Variants in TASOR2 observed in about 807,000 individuals in gnomAD.
TASOR2 encodes protein TASOR 2.
TASOR2 carries 84 observed loss-of-function variants against 199.5 expected under a neutral mutation model. That is an observed-to-expected ratio of 0.42 (90% CI 0.35 to 0.50). The LOEUF (loss-of-function observed/expected upper bound fraction) is 0.50. TASOR2 is among the 20% of genes least tolerant of loss of function. The pLI is 0.02. For missense variants in TASOR2, 2,796 were observed against 2,835.9 expected (o/e 0.99, Z 0.32); for synonymous variants, 1,103 against 1,046.6 (o/e 1.05, Z -1.04).
At chr10:5,714,340 G>C (rs554123848) in intron 2 of TASOR2, 133 bp downstream of exon 3, 4 of 470,378 alleles carry the variant, frequency 8.5e-6, no homozygotes, top group Non-Finnish European at 1.0e-5. Flanking sequence ...ATAATGTTTA[G>C]ATTTCTAACT....
At chr10:5,762,888 C>T in intron 20 of TASOR2, 141 bp from the exon 22 acceptor site, 3 of 725,766 alleles carry the variant, frequency 4.1e-6, no homozygotes, top group Non-Finnish European at 6.7e-6. Flanking sequence ...TTTTCACTTG[C>T]TGTTAACTTG....
Position 5,698,425 on chromosome 10 carries a change from G to A in TASOR2, c.-288+13250G>A, listed in dbSNP as rs543535279. Among the ~76,000 whole-genome samples the A allele has an allele frequency of 1.3e-5, 2 of 152,182 alleles. No homozygotes were observed. Among genetic ancestry groups the A allele is most frequent in the East Asian group, 1.9e-4 (1 of 5,186 alleles). On this transcript the variant is annotated intron_variant, in intron 1 of 20. Transcript: ENST00000328090. This position sits in a 1 kb window ranked among gnomAD's most constrained non-coding sequence, Gnocchi z 4.4. ...GTCTGTTAATAAACATTAGTTAACC[G>A]AACAGTTATATGATTAAAAATAAAA... is the stretch of plus-strand genomic sequence containing the variant.
intron 1 of TASOR2, among the ~76,000 whole-genome samples, chr10:5,711,905 G>C (rs117323159): frequency 0.012 from 1,783 of 151,996 alleles, 21 homozygotes; most frequent in Non-Finnish European, 0.015. Flanking sequence ...CTGGTGAGTG[G>C]GCAATAGTAG....
At chr10:5,715,942 C>T (rs922391085) in intron 2 of TASOR2, among the ~76,000 whole-genome samples, 1 of 152,028 alleles carries the variant, frequency 6.6e-6, no homozygotes, top group East Asian at 1.9e-4. Flanking sequence ...TGCCTGGCCG[C>T]AATTTTTTAC....
intron 2 of TASOR2, among the ~76,000 whole-genome samples, chr10:5,715,941 G>A (rs1313118771): frequency 1.3e-5 from 2 of 151,954 alleles, no homozygotes; most frequent in South Asian, 2.1e-4. Flanking sequence ...CTGCCTGGCC[G>A]CAATTTTTTA....
rs1837511636 is a variant in TASOR2 at position 5,748,317 on chromosome 10, G to A, written c.4896G>A (p.Gln1632=). The A allele has an allele frequency of 1.2e-6, 2 of 1,614,232 alleles. No individual in the cohort carries two copies. Among genetic ancestry groups the A allele is most frequent in the African/African-American group, 2.7e-5 (2 of 75,060 alleles). Residue 1632 remains glutamine (Q), a synonymous_variant, in exon 15 of 21, where the codon CAG becomes CAA. Transcript: ENST00000328090. This position sits in a 1 kb window ranked among gnomAD's most constrained non-coding sequence, Gnocchi z 5.1. ...AAACAGATGAAGGCATTTATCTGCA[G>A]GTGAAGTCCTTGACAGCTGCCTCGG...
In TASOR2 at chr10:5,722,421, A is replaced by G. The variant is rs1239491735; in HGVS notation, c.147-1256A>G. ...CATTGAGCTGAGATCGCGCCACTAC[A>G]CTCCAGCCTGGGCGACAGAGTGAAA... On this transcript the variant is annotated intron_variant, in intron 6 of 20. Transcript: ENST00000328090. The surrounding 1 kb of genome is among the most constrained non-coding windows in gnomAD (Gnocchi z 4.0). Among the ~76,000 whole-genome samples the G allele has an allele frequency of 3.3e-5, 5 of 152,040 alleles. No homozygotes were observed. Among genetic ancestry groups the G allele is most frequent in the African/African-American group, 4.8e-5 (2 of 41,386 alleles).
chr10:5,692,787 C>T (rs987493643), intron 1 of TASOR2: 2 of 152,098 alleles, frequency 1.3e-5, no homozygotes, highest in Non-Finnish European at 2.9e-5. Context: ...GCCGCCGGCC[C>T]CGCGCCCTAC....
chr10:5,731,107 T>A, exon 11 of TASOR2: 1 of 1,613,570 alleles, frequency 6.2e-7, no homozygotes. Flanking sequence ...GTGCCGCCCC[T>A]TTCCCAAAAG....
chr10:5,699,717 AAGT>A lies in TASOR2; in HGVS notation c.-287-13103_-287-13101del, dbSNP rs1475539366. The A allele has an allele frequency of 7.0e-6, 5 of 716,618 alleles. No homozygotes were observed. Among genetic ancestry groups the A allele is most frequent in the Non-Finnish European group, 8.6e-6 (5 of 584,670 alleles). 44.4% of individuals were successfully genotyped at this position (716,618 alleles called of 1,614,324 possible). On this transcript the variant is annotated intron_variant, in intron 1 of 20. Coordinates refer to ENST00000328090, the Ensembl canonical transcript of TASOR2. The surrounding 1 kb of genome is among the most constrained non-coding windows in gnomAD (Gnocchi z 4.1). ...CTAGACACCATGGCAAAGATCATAA[AAGT>A]AGAAATGAAATTTTATGGTAAGTAT...
intron 2 of TASOR2, chr10:5,714,487 A>C: frequency 3.8e-6 from 1 of 263,744 alleles, no homozygotes; most frequent in Non-Finnish European, 7.0e-6. Flanking sequence ...CGAACTTGGC[A>C]ACTATGGAAT....
Position 5,730,412 on chromosome 10 carries a change from A to C in TASOR2, c.488-75A>C. On this transcript the variant is annotated intron_variant, in intron 10 of 20. Coordinates refer to ENST00000328090, the Ensembl canonical transcript of TASOR2. The surrounding 1 kb of genome is among the most constrained non-coding windows in gnomAD (Gnocchi z 4.1). ...TAACCATCACATAATTTTGAAATCT[A>C]AAGCTTTTTTTTCCAGAATGTTTTG... 8.3e-7 allele frequency: 1 copy of C among 1,201,140 alleles called. No individual in the cohort carries two copies. The highest frequency in any genetic ancestry group is 1.2e-6 in the Non-Finnish European group (1 of 866,348). 74.4% of individuals were successfully genotyped at this position (1,201,140 alleles called of 1,614,324 possible).
At chr10:5,757,841 C>A (rs1039305908) in intron 17 of TASOR2, among the ~76,000 whole-genome samples, 168 bp downstream of exon 18, 1 of 152,134 alleles carries the variant, frequency 6.6e-6, no homozygotes, top group Non-Finnish European at 1.5e-5. Flanking sequence ...TACAGTGATT[C>A]TCTTATAGCA....
chr10:5,750,165 G>T lies in TASOR2; in HGVS notation c.6606+138G>T. 1.1e-6 allele frequency: 1 copy of T among 909,366 alleles called. No individual in the cohort carries two copies. Among genetic ancestry groups the T allele is most frequent in the South Asian group, 2.2e-5 (1 of 46,406 alleles). The allele number at this position is 909,366 out of a possible 1,614,324, so 56.3% of individuals were successfully genotyped here. On this transcript the variant is annotated intron_variant, in intron 15 of 20. Coordinates refer to ENST00000328090, the Ensembl canonical transcript of TASOR2. The surrounding 1 kb of genome is among the most constrained non-coding windows in gnomAD (Gnocchi z 5.4). ...AAATTTCACAGCTTAGTCTTTATCT[G>T]CATACTAAATGTTTTCCTGCAGGAT...
In TASOR2 at chr10:5,761,285, C is replaced by T; in HGVS notation, c.6993-5C>T. 6.2e-7 allele frequency: 1 copy of T among 1,609,050 alleles called. No individual in the cohort carries two copies. Among genetic ancestry groups the T allele is most frequent in the African/African-American group, 1.3e-5 (1 of 74,848 alleles). ...TATTTTAATATGCCTATGTATCTTT[C>T]ACAGAGTGGATTCAACTGCACATAA... On this transcript the variant is annotated splice_polypyrimidine_tract_variant and splice_region_variant and intron_variant, in intron 18 of 20. Coordinates refer to ENST00000328090, the Ensembl canonical transcript of TASOR2.
chr10:5,756,656 A>G, exon 16 of TASOR2: 1 of 1,613,656 alleles, frequency 6.2e-7, no homozygotes, highest in African/African-American at 1.3e-5. Flanking sequence ...GAACCTCAGC[A>G]CTTCTGTCAA....
At chr10:5,743,743 G>T (rs1836761563) in intron 14 of TASOR2, 1 of 152,142 alleles carries the variant, frequency 6.6e-6, no homozygotes, top group Admixed American at 6.5e-5. Flanking sequence ...ATTTGTCGTG[G>T]TAATATGTAA....
chr10:5,752,617 C>T lies in TASOR2; in HGVS notation c.6606+2590C>T, dbSNP rs1838236496. Among the ~76,000 whole-genome samples, 1 of 152,172 alleles carries T rather than the reference C, an allele frequency of 6.6e-6. No homozygotes were observed. The highest frequency in any genetic ancestry group is 6.5e-5 in the Admixed American group (1 of 15,282). On this transcript the variant is annotated intron_variant, in intron 15 of 20. Coordinates refer to ENST00000328090, the Ensembl canonical transcript of TASOR2. This position sits in a 1 kb window ranked among gnomAD's most constrained non-coding sequence, Gnocchi z 4.4. The stretch of plus-strand genomic sequence containing the variant: ...TACTTAGTAATGAAGGACACGTGTC[C>T]CTTATTGTCACAGTGTCCCCTGGGT...
rs1207020706 is a variant in TASOR2, at chr10:5,710,093, A to G, written c.-287-2730A>G. ...TCAGCAGTTATGAGACCATTCATTC[A>G]TAAAGTGTTTGTATTGTTTGGTGCA... is the stretch of plus-strand genomic sequence containing the variant. On this transcript the variant is annotated intron_variant, in intron 1 of 20. Coordinates refer to ENST00000328090, the Ensembl canonical transcript of TASOR2. The surrounding 1 kb of genome is among the most constrained non-coding windows in gnomAD (Gnocchi z 4.6). Among the ~76,000 whole-genome samples, 1 of 152,180 alleles carries G rather than the reference A, an allele frequency of 6.6e-6. No homozygotes were observed. The highest frequency in any genetic ancestry group is 1.9e-4 in the East Asian group (1 of 5,200).
Sources: gnomAD v4.1 joint callset for allele counts (sites outside exome capture counted in the v4.1 genomes callset) on GRCh38, gnomAD v4.1.1 for gene constraint, Gnocchi (gnomAD v3.1) non-coding constraint, MANE v1.5 for transcripts, NCBI Gene and HGNC (gene_info 2026-07-23, HGNC 2026-07-21) for gene names.